ZNF248: variants seen among roughly 807,000 people sequenced by gnomAD.
The protein encoded by ZNF248 is KRAB protein domain.
Under a neutral mutation model 44.3 loss-of-function variants are expected in ZNF248, and 20 were observed. That is an observed-to-expected ratio of 0.45 (90% CI 0.32 to 0.66). ZNF248 has a LOEUF of 0.66. Ranked by LOEUF, ZNF248 falls within the 30% of genes least tolerant of loss-of-function variation. The probability of loss-of-function intolerance (pLI) is 0.04; values close to 1 mark genes in which losing one functional copy is unlikely to be tolerated. For synonymous variants in ZNF248, 224 were observed against 229.0 expected (o/e 0.98, Z 0.20); for missense variants, 654 against 677.0 (o/e 0.97, Z 0.38).
chr10:37,787,390 G>C (rs2048006676), intron 6 of ZNF248, among the ~76,000 whole-genome samples: 1 of 152,074 alleles, frequency 6.6e-6, no homozygotes. Context: ...CGAACACATA[G>C]ATAATGGAAA....
At chr10:37,770,310 C>A in the ZNF248 span, among the ~76,000 whole-genome samples, 6 of 152,162 alleles carry the variant, frequency 3.9e-5, no homozygotes, top group African/African-American at 1.2e-4. Context: ...GAGCCCGCAT[C>A]GCCAAGTCAA....
At chr10:37,795,982 G>T (rs2049107047) in intron 6 of ZNF248, 1 of 152,104 alleles carries the variant, frequency 6.6e-6, no homozygotes, top group Admixed American at 6.6e-5. Context: ...CACATCTGGT[G>T]AATTTTACGT....
downstream of ZNF248, among the ~76,000 whole-genome samples, chr10:37,824,086 C>A (rs1346880371): frequency 2.0e-5 from 3 of 152,078 alleles, no homozygotes; most frequent in African/African-American, 7.2e-5. Flanking sequence ...GTCCCAAGAT[C>A]TGCAGGTTGA....
At chr10:37,810,759 G>C (rs2051359866) in intron 6 of ZNF248, among the ~76,000 whole-genome samples, 3 of 152,010 alleles carry the variant, frequency 2.0e-5, no homozygotes, top group South Asian at 2.1e-4. Context: ...CACAAATAAA[G>C]ACTGTACATG....
the ZNF248 span, among the ~76,000 whole-genome samples, chr10:37,768,582 A>C: frequency 6.6e-6 from 1 of 152,232 alleles, no homozygotes; most frequent in Non-Finnish European, 1.5e-5. Context: ...ACAAGAACAA[A>C]GACACAACAT....
At chr10:37,847,149 C>T (rs1047823716) in intron 3 of ZNF248, among the ~76,000 whole-genome samples, 2 of 152,182 alleles carry the variant, frequency 1.3e-5, no homozygotes, top group Non-Finnish European at 2.9e-5. Context: ...GATCCTCCCA[C>T]CTCAGCCTCC....
chr10:37,784,301 G>A (rs1445130389), intron 6 of ZNF248, among the ~76,000 whole-genome samples: 1 of 152,212 alleles, frequency 6.6e-6, no homozygotes, highest in Non-Finnish European at 1.5e-5. Context: ...TTAAAGTCCA[G>A]AGTATACAGA....
chr10:37,805,938 T>G (rs750979137), intron 6 of ZNF248, among the ~76,000 whole-genome samples: 2 of 152,186 alleles, frequency 1.3e-5, no homozygotes, highest in Non-Finnish European at 2.9e-5. Flanking sequence ...AGTACAAACA[T>G]GTACATATGA....
the ZNF248 span, among the ~76,000 whole-genome samples, chr10:37,770,043 A>C: frequency 6.6e-6 from 1 of 152,222 alleles, no homozygotes; most frequent in African/African-American, 2.4e-5. Context: ...AGAGATTAAA[A>C]TACCTAGAAA....
downstream of ZNF248, among the ~76,000 whole-genome samples, chr10:37,823,818 C>T (rs919908513): frequency 2.0e-5 from 3 of 152,068 alleles, no homozygotes; most frequent in Non-Finnish European, 2.9e-5. Flanking sequence ...AGGTGATCCA[C>T]CCACCTCGGC....
chr10:37,820,401 C>T (rs2053270598), intron 6 of ZNF248: 5 of 1,506,730 alleles, frequency 3.3e-6, no homozygotes, highest in Non-Finnish European at 3.7e-6. Context: ...TGACATGAGG[C>T]TGTTGGCAGA....
chr10:37,825,198 A>G (rs1449937205), downstream of ZNF248, among the ~76,000 whole-genome samples: 1 of 152,172 alleles, frequency 6.6e-6, no homozygotes, highest in East Asian at 1.9e-4. Flanking sequence ...AAATATCTTA[A>G]TAATCTTCCA....
intron 3 of ZNF248, among the ~76,000 whole-genome samples, chr10:37,849,509 C>G (rs893196537): frequency 1.2e-4 from 18 of 151,656 alleles, no homozygotes; most frequent in Non-Finnish European, 2.5e-4. Flanking sequence ...AAGGTGAAAC[C>G]CCGTTTCTAC....
At chr10:37,805,267 T>C (rs2050391821) in intron 6 of ZNF248, among the ~76,000 whole-genome samples, 1 of 152,162 alleles carries the variant, frequency 6.6e-6, no homozygotes, top group South Asian at 2.1e-4. Context: ...TACTACTGAG[T>C]TGCCAGTGTA....
intron 3 of ZNF248, among the ~76,000 whole-genome samples, chr10:37,840,446 A>AT (rs1038926689): frequency 6.6e-6 from 1 of 152,248 alleles, no homozygotes; most frequent in Non-Finnish European, 1.5e-5. Context: ...ATCATGTGTC[A>AT]TTAAAGAAAC....
intron 6 of ZNF248, among the ~76,000 whole-genome samples, chr10:37,783,168 T>A (rs566482745): frequency 2.4e-4 from 37 of 152,238 alleles, no homozygotes; most frequent in African/African-American, 8.4e-4. Flanking sequence ...ATGCTTAAAT[T>A]TCCAAACATA....
chr10:37,763,933 T>C, the ZNF248 span, among the ~76,000 whole-genome samples: 1 of 152,194 alleles, frequency 6.6e-6, no homozygotes, highest in African/African-American at 2.4e-5. Flanking sequence ...AAGCTGAGGA[T>C]GTATGTTGCC....
chr10:37,838,187 T>G, intron 3 of ZNF248, 76 bp from the exon 4 acceptor site: 3 of 1,392,456 alleles, frequency 2.2e-6, no homozygotes, highest in Non-Finnish European at 2.9e-6. Context: ...AACTAATCTC[T>G]TTAGAGTTTA....
At position 37,831,453 on chromosome 10, in the gene ZNF248, A is replaced by C; in HGVS notation, c.*162T>G. On this transcript the variant is annotated 3_prime_UTR_variant, in exon 6 of 6. Transcript: ENST00000395867. Reference sequence around the variant, plus strand: ...TACTTAGATGAATAGAATTCCCCTCAGTACAAATTTTCTAATGAAAAGTTT... The same window carrying C: ...TACTTAGATGAATAGAATTCCCCTCCGTACAAATTTTCTAATGAAAAGTTT... 15 of 1,463,164 alleles carry C rather than the reference A, an allele frequency of 1.0e-5. No individual in the cohort carries two copies. Among genetic ancestry groups the C allele is most frequent in the Non-Finnish European group, 1.3e-5 (14 of 1,109,208 alleles). 90.6% of individuals were successfully genotyped at this position (1,463,164 alleles called of 1,614,324 possible).
Sources: allele counts gnomAD v4.1 joint callset (sites outside exome capture counted in the v4.1 genomes callset), GRCh38; gene constraint gnomAD v4.1.1; transcripts MANE v1.5; gene names NCBI Gene and HGNC (gene_info 2026-07-23, HGNC 2026-07-21).